The following LPP variants were observed in gnomAD, a reference collection of about 807,000 sequenced individuals.
The protein encoded by LPP is lipoma-preferred partner.
Under a neutral mutation model 60.4 loss-of-function variants are expected in LPP, and 38 were observed. The observed-to-expected ratio is 0.63, with a 90% confidence interval of 0.49 to 0.83. The LOEUF is 0.83. LPP is among the 40% of genes least tolerant of loss of function. LPP has a pLI of 0.00. For missense variants in LPP, 902 were observed against 783.6 expected (o/e 1.15, Z -1.80); for synonymous variants, 328 against 290.8 (o/e 1.13, Z -1.30).
chr3:188,530,776 C>T (rs890317840), intron 6 of LPP, among the ~76,000 whole-genome samples: 6 of 152,174 alleles, frequency 3.9e-5, no homozygotes, highest in Non-Finnish European at 7.3e-5. Flanking sequence ...ATATCAAAGA[C>T]GTACTTCAAT....
chr3:188,322,460 G>C (rs1757222960), intron 2 of LPP, among the ~76,000 whole-genome samples: 1 of 152,186 alleles, frequency 6.6e-6, no homozygotes, highest in Non-Finnish European at 1.5e-5. Context: ...GCATGGAAGA[G>C]ACCCTAACTG....
At chr3:188,731,516 T>TTTTTGTTGTTTTGTTTTGTTTTG (rs1553817765) in intron 8 of LPP, among the ~76,000 whole-genome samples, 3 of 145,818 alleles carry the variant, frequency 2.1e-5, no homozygotes, top group African/African-American at 5.1e-5. Flanking sequence ...TTTTTTGTTT[T>TTTTTGTTGTTTTGTTTTGTTTTG]TTTTGTTTTG....
intron 2 of LPP, among the ~76,000 whole-genome samples, chr3:188,312,684 A>C (rs1320297805): frequency 1.3e-5 from 2 of 152,144 alleles, no homozygotes; most frequent in Admixed American, 6.6e-5. Context: ...ATTTCTAAAC[A>C]CTGTTTATTG....
chr3:188,488,782 A>G (rs912221081), intron 5 of LPP, among the ~76,000 whole-genome samples: 11 of 151,890 alleles, frequency 7.2e-5, no homozygotes, highest in Admixed American at 2.6e-4. Flanking sequence ...GACTACAGGC[A>G]CCCACCACCA....
chr3:188,494,534 G>C (rs533968144), intron 5 of LPP, among the ~76,000 whole-genome samples: 1 of 152,168 alleles, frequency 6.6e-6, no homozygotes, highest in Non-Finnish European at 1.5e-5. Context: ...CCATTCTAAA[G>C]AGCCTTGCCC....
intron 4 of LPP, among the ~76,000 whole-genome samples, chr3:188,414,431 A>C (rs552086661): frequency 2.0e-5 from 3 of 152,162 alleles, no homozygotes; most frequent in Non-Finnish European, 4.4e-5. Context: ...CTGAAATTTG[A>C]AACACTTCAT....
At chr3:188,269,881 C>T (rs1737092038) in intron 2 of LPP, among the ~76,000 whole-genome samples, 1 of 152,194 alleles carries the variant, frequency 6.6e-6, no homozygotes, top group African/African-American at 2.4e-5. Context: ...TTCCTGACCT[C>T]AAGTGATCCA....
chr3:188,497,545 C>T (rs1810603283), intron 5 of LPP, among the ~76,000 whole-genome samples: 1 of 152,092 alleles, frequency 6.6e-6, no homozygotes, highest in African/African-American at 2.4e-5. Context: ...AAACTATCCC[C>T]TGAATAGAGA....
intron 9 of LPP, among the ~76,000 whole-genome samples, chr3:188,762,080 A>C (rs1337484356): frequency 6.6e-6 from 1 of 152,072 alleles, no homozygotes; most frequent in Admixed American, 6.6e-5. Context: ...TACTTTAATG[A>C]TGCTACTGTG....
intron 9 of LPP, among the ~76,000 whole-genome samples, chr3:188,793,275 G>C (rs1249722876): frequency 6.6e-6 from 1 of 150,444 alleles, no homozygotes; most frequent in Non-Finnish European, 1.5e-5. Flanking sequence ...TATGCCTCCT[G>C]AGCTCAAGCG....
intron 3 of LPP, among the ~76,000 whole-genome samples, chr3:188,345,694 C>G (rs559317742): frequency 1.3e-5 from 2 of 152,100 alleles, no homozygotes; most frequent in Non-Finnish European, 2.9e-5. Flanking sequence ...TGGGGATGGG[C>G]TGGGACTGAG....
At chr3:188,513,255 T>C (rs1816347605) in intron 5 of LPP, among the ~76,000 whole-genome samples, 1 of 152,216 alleles carries the variant, frequency 6.6e-6, no homozygotes, top group Admixed American at 6.5e-5. Context: ...AAACTGTGTG[T>C]GTGGACTAAC....
At chr3:188,322,337 C>T (rs1034650485) in intron 2 of LPP, among the ~76,000 whole-genome samples, 19 of 152,090 alleles carry the variant, frequency 1.2e-4, no homozygotes, top group African/African-American at 9.7e-5. Flanking sequence ...TTCCCTGATT[C>T]GTCCTTCTTC....
At chr3:188,527,169 G>A (rs568458432) in intron 6 of LPP, among the ~76,000 whole-genome samples, 7 of 151,962 alleles carry the variant, frequency 4.6e-5, no homozygotes, top group Non-Finnish European at 8.8e-5. Flanking sequence ...GGCCAACATG[G>A]TGAAACCCCA....
At chr3:188,276,051 G>A (rs900469634) in intron 2 of LPP, among the ~76,000 whole-genome samples, 80 of 152,322 alleles carry the variant, frequency 5.3e-4, no homozygotes, top group Middle Eastern at 3.4e-3. Context: ...AGACTGAACA[G>A]AAGTGTGACT....
intron 3 of LPP, among the ~76,000 whole-genome samples, chr3:188,392,145 A>G (rs139013805): frequency 2.0e-5 from 3 of 152,336 alleles, no homozygotes; most frequent in African/African-American, 7.2e-5. Context: ...GAACCAGAGT[A>G]ACAATTACGT....
intron 9 of LPP, among the ~76,000 whole-genome samples, chr3:188,837,950 G>A (rs1458412682): frequency 6.6e-6 from 1 of 152,006 alleles, no homozygotes; most frequent in Non-Finnish European, 1.5e-5. Flanking sequence ...TCTCTATCTA[G>A]TGTGGGAAAA....
At chr3:188,510,403 C>G (rs936779016) in intron 5 of LPP, among the ~76,000 whole-genome samples, 1 of 152,160 alleles carries the variant, frequency 6.6e-6, no homozygotes, top group African/African-American at 2.4e-5. Flanking sequence ...CTGATACGGT[C>G]TCTCACTCAC....
At chr3:188,183,325 T>C (rs968223650) in intron 1 of LPP, among the ~76,000 whole-genome samples, 7 of 152,222 alleles carry the variant, frequency 4.6e-5, no homozygotes, top group Non-Finnish European at 1.0e-4. Flanking sequence ...AGAGCATCAA[T>C]ATCTACTGCT....
Sources: gnomAD v4.1 joint callset for allele counts (sites outside exome capture counted in the v4.1 genomes callset) on GRCh38, gnomAD v4.1.1 for gene constraint, MANE v1.5 for transcripts, NCBI Gene and HGNC (gene_info 2026-07-23, HGNC 2026-07-21) for gene names.